Variants in INPP5J observed in about 807,000 individuals in gnomAD.
The protein encoded by INPP5J is phosphatidylinositol 4,5-bisphosphate 5-phosphatase A.
A neutral mutation model predicts 86.6 loss-of-function variants in INPP5J; 75 were observed. The ratio of observed to expected loss-of-function variants is 0.87; its 90% CI spans 0.72 to 1.05. The LOEUF is 1.05. INPP5J is among the 50% of genes least tolerant of loss of function. The probability of loss-of-function intolerance (pLI) is 0.00; values close to 1 mark genes in which losing one functional copy is unlikely to be tolerated. For missense variants in INPP5J, 1,229 were observed against 1,341.2 expected, an observed-to-expected ratio of 0.92 and a Z score of 1.31; for synonymous variants, 540 against 550.0, an observed-to-expected ratio of 0.98 and a Z score of 0.25.
rs111389848 is a variant in INPP5J, at chr22:31,133,202, C to T, written c.2298C>T (p.Ala766=). The stretch of plus-strand genomic sequence containing the variant: ...GGTACCGCATGGAAACAGTGTTCGC[C>T]CGCAGCTCCTGGGACTGGATCGGCT... ...VVRYRMETVF[A]RSSWDWIGLY... Residue 766 remains alanine, a synonymous_variant, in exon 10 of 13, where the codon GCC becomes GCT. Coordinates refer to ENST00000331075, the MANE Select transcript of INPP5J (RefSeq NM_001284285.2). 5.1e-5 allele frequency: 81 copies of T among 1,603,858 alleles called. 1 individual carries two copies. The highest frequency in any genetic ancestry group is 3.5e-4 in the African/African-American group (26 of 74,926).
intron 9 of INPP5J, among the ~76,000 whole-genome samples, chr22:31,128,927 CTTTT>C (rs56761879): frequency 5.0e-5 from 4 of 79,994 alleles, no homozygotes; most frequent in African/African-American, 1.9e-4. Flanking sequence ...CATGCCTTTT[CTTTT>C]TTTTTTTTTT....
Position 31,128,465 on chromosome 22 carries a change from C to T in INPP5J, c.2010-6C>T. The T allele has an allele frequency of 6.2e-7, 1 of 1,613,336 alleles. No individual in the cohort carries two copies. Among genetic ancestry groups the T allele is most frequent in the Non-Finnish European group, 8.5e-7 (1 of 1,179,780 alleles). On this transcript the variant is annotated splice_region_variant and splice_polypyrimidine_tract_variant and intron_variant, in intron 8 of 12. Coordinates refer to ENST00000331075, the MANE Select transcript of INPP5J (RefSeq NM_001284285.2). ...CTGAAACTTGGGGTACCCCTGCTCA[C>T]TGCAGTGCCAAGAAACGGAAGCCAG...
intron 2 of INPP5J, 178 bp from the exon 3 acceptor site, chr22:31,126,198 A>G: frequency 3.8e-6 from 3 of 781,934 alleles, no homozygotes; most frequent in Non-Finnish European, 6.0e-6. Context: ...GCCGCCTCTC[A>G]GTTGATCTCC....
chr22:31,126,788 G>A, intron 4 of INPP5J, 67 bp downstream of exon 4: 1 of 1,493,292 alleles, frequency 6.7e-7, no homozygotes, highest in South Asian at 1.1e-5. Context: ...GCTGTACCCT[G>A]GCTCACTGTG....
At chr22:31,123,175 C>CA in intron 1 of INPP5J, 56 bp downstream of exon 1, 3 of 1,074,984 alleles carry the variant, frequency 2.8e-6, no homozygotes, top group South Asian at 1.9e-5. Flanking sequence ...TTCCACACAC[C>CA]CCCCCCACAT....
At chr22:31,133,256 C>T (rs1922241117) in intron 10 of INPP5J, 21 bp downstream of exon 10, 1 of 1,604,498 alleles carries the variant, frequency 6.2e-7, no homozygotes, top group South Asian at 1.1e-5. Flanking sequence ...CAGTGGTGGT[C>T]AGCGACTCAG....
Position 31,127,986 on chromosome 22 carries a change from T to C in INPP5J, c.1823T>C (p.Ile608Thr), listed in dbSNP as rs1474325869. ...VFWFGDLNFR[I>T]ESYDLHFVKF... ...TGGTTCGGGGACCTGAACTTCCGCA[T>C]TGAGAGCTATGACCTGCACTTTGTC... Residue 608 changes from isoleucine to threonine, a missense_variant, in exon 7 of 13, where the codon ATT (isoleucine) becomes ACT (threonine). Transcript: ENST00000331075. The C allele has an allele frequency of 3.8e-6, 6 of 1,570,302 alleles. No individual in the cohort carries two copies. Among genetic ancestry groups the C allele is most frequent in the Non-Finnish European group, 5.2e-6 (6 of 1,154,102 alleles).
rs1921673836 is a variant in INPP5J, at chr22:31,128,006, T to G, written c.1843T>G (p.Phe615Val). 4 of 1,608,830 alleles carry G rather than the reference T, an allele frequency of 2.5e-6. No individual in the cohort carries two copies. Among genetic ancestry groups the G allele is most frequent in the Non-Finnish European group, 3.4e-6 (4 of 1,177,458 alleles). The change falls in exon 7 of 13, where the codon TTT becomes GTT. Residue 615 changes from phenylalanine to valine, a missense_variant. Coordinates refer to ENST00000331075, the MANE Select transcript of INPP5J (RefSeq NM_001284285.2). ...NFRIESYDLH[F>V]VKFAIDSDQL... ...CCGCATTGAGAGCTATGACCTGCAC[T>G]TTGTCAAGTTTGCCATCGACAGTGA...
chr22:31,129,851 C>T lies in INPP5J; in HGVS notation c.2193+1197C>T, dbSNP rs149885704. Among the ~76,000 whole-genome samples, 247 of 152,042 alleles carry T rather than the reference C, an allele frequency of 1.6e-3. 1 individual carries two copies. The highest frequency in any genetic ancestry group is 2.9e-3 in the Non-Finnish European group (197 of 67,984). ...AGCCACCACACCCAGCCTTAGAGCC[C>T]GTGCCTTTTCTGCTAATCTCTAACT... On this transcript the variant is annotated intron_variant, in intron 9 of 12. Coordinates refer to ENST00000331075, the MANE Select transcript of INPP5J (RefSeq NM_001284285.2).
intron 9 of INPP5J, among the ~76,000 whole-genome samples, chr22:31,129,622 C>A (rs905676200): frequency 1.1e-4 from 17 of 148,938 alleles, no homozygotes; most frequent in African/African-American, 3.5e-4. Flanking sequence ...CGGCTCACTG[C>A]AACCTCTACC....
At chr22:31,122,892 G>A (rs1232253853), upstream of INPP5J, 2 of 649,456 alleles carry the variant, frequency 3.1e-6, no homozygotes, top group Non-Finnish European at 4.8e-6. Context: ...TCCAGGCTGG[G>A]AAGTGGGAGC....
At chr22:31,126,080 A>C (rs933041837) in intron 2 of INPP5J, 70 bp downstream of exon 2, 21 of 1,358,022 alleles carry the variant, frequency 1.5e-5, no homozygotes, top group Non-Finnish European at 1.9e-5. Context: ...TCCAGGGTGG[A>C]TGGTGTGCTC....
chr22:31,134,500 T>C lies in INPP5J; in HGVS notation c.*81T>C. On this transcript the variant is annotated 3_prime_UTR_variant, in exon 13 of 13. Transcript: ENST00000331075. ...AGCCCACCTGCCTCTCTCCTGCTGCTCCTCCAGCTGTATCTGCACCTGCCT... is the reference window on the plus strand; with the variant it reads ...AGCCCACCTGCCTCTCTCCTGCTGCCCCTCCAGCTGTATCTGCACCTGCCT... The C allele has an allele frequency of 7.4e-7, 1 of 1,349,198 alleles. No homozygotes were observed. The highest frequency in any genetic ancestry group is 1.7e-5 in the South Asian group (1 of 59,294). 83.6% of individuals were successfully genotyped at this position (1,349,198 alleles called of 1,614,324 possible).
intron 1 of INPP5J, 131 bp downstream of exon 1, chr22:31,123,250 G>T (rs558813093): frequency 3.4e-5 from 20 of 581,928 alleles, no homozygotes; most frequent in African/African-American, 2.0e-5. Context: ...AGCGAGCAGG[G>T]GCTAGGTGAA....
chr22:31,126,069 T>C (rs972127131), intron 2 of INPP5J, 59 bp downstream of exon 2: 10 of 1,431,342 alleles, frequency 7.0e-6, no homozygotes, highest in Non-Finnish European at 7.4e-6. Context: ...TTAGCCATTC[T>C]TCCAGGGTGG....
At position 31,134,241 on chromosome 22, in the gene INPP5J, G is replaced by A; in HGVS notation, c.2843G>A (p.Trp948Ter). The A allele has an allele frequency of 1.9e-6, 3 of 1,550,686 alleles. No individual in the cohort carries two copies. The highest frequency in any genetic ancestry group is 1.4e-5 in the African/African-American group (1 of 73,208). ...GGGCCCTCTGGGTTGCCTGGCCCCTGGGCCTTCCCACCAGCTGTGCCTCGA... is the reference window on the plus strand; with the variant it reads ...GGGCCCTCTGGGTTGCCTGGCCCCTAGGCCTTCCCACCAGCTGTGCCTCGA... ...EEGPSGLPGPWAFPPAVPRSL... is the reference protein window; with the variant it reads ...EEGPSGLPGP The change falls in exon 13 of 13, where the codon TGG becomes TAG. Residue 948 changes from tryptophan to a stop codon, truncating the protein, a stop_gained. Transcript: ENST00000331075. LOFTEE classifies it high-confidence loss of function.
intron 9 of INPP5J, among the ~76,000 whole-genome samples, chr22:31,130,758 A>G (rs75481064): frequency 0.056 from 8,532 of 152,090 alleles, 323 homozygotes; most frequent in Middle Eastern, 0.11. Flanking sequence ...ACAAAGCTGA[A>G]CTCTTAAGTA....
Position 31,134,093 on chromosome 22 carries a change from C to T in INPP5J, c.2695C>T (p.Leu899=). Residue 899 remains leucine (L), a synonymous_variant, in exon 13 of 13, where the codon CTA becomes TTA. Transcript: ENST00000331075. ...ACTGGCCAGGTTCCCTGGGCTTGCC[C>T]TACGGCCCTCATCCCGTGAACGCCG... ...PGLARFPGLA[L]RPSSRERRGA... The T allele has an allele frequency of 6.4e-7, 1 of 1,558,110 alleles. No individual in the cohort carries two copies. Among genetic ancestry groups the T allele is most frequent in the Non-Finnish European group, 8.7e-7 (1 of 1,151,708 alleles).
Position 31,133,114 on chromosome 22 carries a change from A to G in INPP5J, c.2210A>G (p.Asp737Gly), listed in dbSNP as rs1922208181. Residue 737 changes from aspartate (D) to glycine (G), a missense_variant, in exon 10 of 13, where the codon GAC becomes GGC. Transcript: ENST00000331075. ...CCTGGACAGTTTGCCTTCAGGGACG[A>G]CATGCCACTGGTGCGGCTGGAGGTG... ...QFLLQFAFRD[D>G]MPLVRLEVAD... 1.9e-6 allele frequency: 3 copies of G among 1,564,334 alleles called. No individual in the cohort carries two copies. In the South Asian group the frequency reaches 3.5e-5, roughly 18 times the overall value.
Sources: allele counts gnomAD v4.1 joint callset (sites outside exome capture counted in the v4.1 genomes callset), GRCh38; gene constraint gnomAD v4.1.1; transcripts MANE v1.5; gene names NCBI Gene and HGNC (gene_info 2026-07-23, HGNC 2026-07-21).